The following RBFOX1 variants were observed in gnomAD, a reference collection of about 807,000 sequenced individuals.
RBFOX1 encodes the protein RNA binding protein fox-1 homolog 1.
A neutral mutation model predicts 57.7 loss-of-function variants in RBFOX1; 8 were observed. The ratio of observed to expected loss-of-function variants is 0.14; its 90% confidence interval spans 0.08 to 0.25. The LOEUF (loss-of-function observed/expected upper bound fraction) is 0.25, where lower values mean the gene tolerates loss of function less well. RBFOX1 is among the 10% of genes least tolerant of loss of function. The pLI, the probability that RBFOX1 is intolerant of heterozygous loss-of-function variation, is 1.00. For missense variants in RBFOX1, 611 were observed against 548.5 expected (o/e 1.11, Z -1.14); for synonymous variants, 326 against 222.4 (o/e 1.47, Z -4.15).
At chr16:7,344,460 T>A (rs1049320074) in intron 4 of RBFOX1, among the ~76,000 whole-genome samples, 2 of 150,314 alleles carry the variant, frequency 1.3e-5, no homozygotes. Context: ...GTTATAAATA[T>A]ATAAATATAT....
At chr16:7,033,768 G>A (rs935276680) in intron 3 of RBFOX1, among the ~76,000 whole-genome samples, 2 of 152,076 alleles carry the variant, frequency 1.3e-5, no homozygotes, top group Non-Finnish European at 2.9e-5. Context: ...GTGAGCTGGG[G>A]ACCAGCCTGA....
intron 3 of RBFOX1, among the ~76,000 whole-genome samples, chr16:5,866,679 C>T (rs1405377835): frequency 6.6e-6 from 1 of 152,174 alleles, no homozygotes. Flanking sequence ...ATTTCTTATG[C>T]TTAATAACAT....
chr16:6,722,771 G>C (rs915816846), intron 3 of RBFOX1, among the ~76,000 whole-genome samples: 3 of 152,186 alleles, frequency 2.0e-5, no homozygotes, highest in African/African-American at 7.2e-5. Context: ...GAATTATGTA[G>C]GCATATCTTC....
intron 2 of RBFOX1, among the ~76,000 whole-genome samples, chr16:6,443,301 C>G (rs1370485071): frequency 2.6e-5 from 4 of 152,132 alleles, no homozygotes; most frequent in African/African-American, 9.7e-5. Context: ...CACGTTCATT[C>G]TCTTTTCCCT....
At chr16:6,501,436 C>T (rs1323333487) in intron 2 of RBFOX1, among the ~76,000 whole-genome samples, 3 of 151,644 alleles carry the variant, frequency 2.0e-5, no homozygotes, top group East Asian at 2.0e-4. Context: ...TGATGGTTTC[C>T]AGCTTCGTCC....
chr16:7,567,857 A>C (rs989138303), intron 5 of RBFOX1, among the ~76,000 whole-genome samples: 2 of 138,606 alleles, frequency 1.4e-5, no homozygotes, highest in South Asian at 2.3e-4. Flanking sequence ...ATATATATCC[A>C]TATATATACC....
intron 4 of RBFOX1, among the ~76,000 whole-genome samples, chr16:7,176,786 G>T (rs1300859576): frequency 1.3e-5 from 2 of 152,030 alleles, no homozygotes. Flanking sequence ...AAATAAATAT[G>T]TACTTACCTA....
upstream of RBFOX1, among the ~76,000 whole-genome samples, chr16:6,015,577 C>T (rs1030084234): frequency 6.6e-6 from 1 of 152,202 alleles, no homozygotes; most frequent in Non-Finnish European, 1.5e-5. Context: ...TCACCATTGT[C>T]CAGCCCCTTA....
intron 4 of RBFOX1, among the ~76,000 whole-genome samples, chr16:5,926,584 CGTT>C (rs1046590303): frequency 5.9e-5 from 9 of 152,100 alleles, no homozygotes; most frequent in Non-Finnish European, 1.0e-4. Context: ...ACTCGTAACT[CGTT>C]GTGTGACCTT....
At chr16:7,626,922 C>T (rs190670968) in intron 10 of RBFOX1, among the ~76,000 whole-genome samples, 6 of 152,140 alleles carry the variant, frequency 3.9e-5, no homozygotes, top group Non-Finnish European at 7.4e-5. Context: ...TTGGCTCTAC[C>T]GCAGGTGGAT....
At chr16:5,999,212 C>G (rs1315358473) in intron 4 of RBFOX1, among the ~76,000 whole-genome samples, 3 of 152,158 alleles carry the variant, frequency 2.0e-5, no homozygotes, top group Admixed American at 2.0e-4. Flanking sequence ...ATTATTTACT[C>G]ACCTCTTCCC....
intron 4 of RBFOX1, among the ~76,000 whole-genome samples, chr16:7,193,791 A>C (rs1350340068): frequency 6.6e-6 from 1 of 152,218 alleles, no homozygotes; most frequent in Non-Finnish European, 1.5e-5. Flanking sequence ...CTAGCACAAC[A>C]GGTCCTAGAA....
intron 2 of RBFOX1, among the ~76,000 whole-genome samples, chr16:6,463,116 C>T (rs558909921): frequency 2.1e-4 from 31 of 150,504 alleles, no homozygotes; most frequent in African/African-American, 7.6e-4. Flanking sequence ...TTTATAAAAA[C>T]AGCCTCTTGT....
At chr16:6,611,156 T>C (rs2098044344) in intron 2 of RBFOX1, among the ~76,000 whole-genome samples, 1 of 152,118 alleles carries the variant, frequency 6.6e-6, no homozygotes, top group Non-Finnish European at 1.5e-5. Context: ...AGTTATTTTT[T>C]TGAGGGGGAG....
chr16:6,042,516 AT>A (rs1437101973), intron 1 of RBFOX1, among the ~76,000 whole-genome samples: 1 of 152,144 alleles, frequency 6.6e-6, no homozygotes, highest in African/African-American at 2.4e-5. Context: ...TGCAAACTTA[AT>A]TTACACATTT....
chr16:7,070,373 C>T (rs2057077408), intron 4 of RBFOX1, among the ~76,000 whole-genome samples: 1 of 152,136 alleles, frequency 6.6e-6, no homozygotes, highest in Non-Finnish European at 1.5e-5. Context: ...ACTTGTCTGC[C>T]TCAGATGCAC....
At chr16:6,046,575 G>T (rs1416562174) in intron 1 of RBFOX1, among the ~76,000 whole-genome samples, 1 of 152,080 alleles carries the variant, frequency 6.6e-6, no homozygotes, top group Admixed American at 6.6e-5. Flanking sequence ...TATTAAATGA[G>T]TTCTCAAGGA....
At chr16:6,826,999 C>T (rs756991472) in intron 3 of RBFOX1, among the ~76,000 whole-genome samples, 7 of 152,048 alleles carry the variant, frequency 4.6e-5, no homozygotes, top group Non-Finnish European at 7.3e-5. Context: ...ATAGATAGGC[C>T]ATGCTGTAAA....
intron 4 of RBFOX1, among the ~76,000 whole-genome samples, chr16:7,253,157 C>G (rs377142465): frequency 6.6e-6 from 1 of 152,200 alleles, no homozygotes; most frequent in Non-Finnish European, 1.5e-5. Context: ...TGGATAAAAT[C>G]TCTTCTCCAC....
Sources: allele counts gnomAD v4.1 joint callset (sites outside exome capture counted in the v4.1 genomes callset), GRCh38; gene constraint gnomAD v4.1.1; transcripts MANE v1.5; gene names NCBI Gene and HGNC (gene_info 2026-07-23, HGNC 2026-07-21).